SUZ12: variants seen among roughly 807,000 people sequenced by gnomAD.
The protein encoded by SUZ12 is SUZ12 polycomb repressive complex 2 subunit, also known as polycomb protein SUZ12.
Under a neutral mutation model 87.3 loss-of-function variants are expected in SUZ12, and 17 were observed. The ratio of observed to expected loss-of-function variants is 0.19; its 90% confidence interval spans 0.13 to 0.29. The LOEUF (loss-of-function observed/expected upper bound fraction) is 0.29, where lower values mean the gene tolerates loss of function less well. Ranked by LOEUF, SUZ12 falls within the 10% of genes least tolerant of loss-of-function variation. The probability of loss-of-function intolerance (pLI) is 1.00; values close to 1 mark genes in which losing one functional copy is unlikely to be tolerated. For synonymous variants in SUZ12, 253 were observed against 312.4 expected, an observed-to-expected ratio of 0.81 and a Z score of 2.01; for missense variants, 526 against 912.2, an observed-to-expected ratio of 0.58 and a Z score of 5.45.
At chr17:31,969,935 T>G (rs1383118825) in intron 5 of SUZ12, among the ~76,000 whole-genome samples, 2 of 152,156 alleles carry the variant, frequency 1.3e-5, no homozygotes, top group Non-Finnish European at 2.9e-5. Context: ...TTACTATTAA[T>G]TATTTTTTAG....
intron 4 of SUZ12, among the ~76,000 whole-genome samples, chr17:31,951,760 G>T (rs1265097238): frequency 6.8e-6 from 1 of 146,416 alleles, no homozygotes; most frequent in African/African-American, 2.6e-5. Context: ...ACAGGTGTGA[G>T]CCACCGCGCC....
At chr17:31,987,298 G>A (rs1347334953) in intron 9 of SUZ12, among the ~76,000 whole-genome samples, 11 of 152,212 alleles carry the variant, frequency 7.2e-5, no homozygotes, top group Admixed American at 7.2e-4. Context: ...GTGACATTGA[G>A]ATCAACTGGC....
At position 31,994,501 on chromosome 17, in the gene SUZ12, A is replaced by C. The variant is rs902831117; in HGVS notation, c.1438-63A>C. On this transcript the variant is annotated intron_variant, in intron 12 of 15. Transcript: ENST00000322652. ...TTAAGAGCCCACAAATTCTTTAATT[A>C]AATTGGAGGGATATTTAGGATAGGA... 18 of 1,381,828 alleles carry C rather than the reference A, an allele frequency of 1.3e-5. No homozygotes were observed. In the Admixed American group the frequency reaches 3.1e-4, roughly 24 times the overall value. The allele number at this position is 1,381,828 out of a possible 1,614,324, so 85.6% of individuals were successfully genotyped here.
intron 4 of SUZ12, among the ~76,000 whole-genome samples, chr17:31,957,478 C>A (rs1163489378): frequency 6.6e-6 from 1 of 151,682 alleles, no homozygotes; most frequent in Non-Finnish European, 1.5e-5. Context: ...GTGGCGTGAT[C>A]TTGGCTCACT....
At chr17:31,994,087 C>A in intron 12 of SUZ12, 79 bp downstream of exon 12, 14 of 1,355,470 alleles carry the variant, frequency 1.0e-5, no homozygotes, top group East Asian at 7.7e-5. Flanking sequence ...TATGTACCCA[C>A]AAAAATTTTT....
intron 4 of SUZ12, among the ~76,000 whole-genome samples, chr17:31,949,480 T>C (rs2142131564): frequency 6.6e-6 from 1 of 152,184 alleles, no homozygotes; most frequent in South Asian, 2.1e-4. Context: ...TGTGTCATTT[T>C]AAATTTACTG....
chr17:31,978,296 C>T (rs1001251477), intron 8 of SUZ12, among the ~76,000 whole-genome samples: 32 of 152,244 alleles, frequency 2.1e-4, no homozygotes, highest in Admixed American at 9.2e-4. Flanking sequence ...GCAACCTCTG[C>T]CTCCTGGGTT....
chr17:31,938,738 A>G (rs1485446218), intron 1 of SUZ12, among the ~76,000 whole-genome samples: 2 of 152,196 alleles, frequency 1.3e-5, no homozygotes, highest in Non-Finnish European at 2.9e-5. Context: ...ATCTCCCTTT[A>G]GTTAATTTAA....
intron 4 of SUZ12, among the ~76,000 whole-genome samples, chr17:31,953,363 GACCTCCCA>G (rs1217675687): frequency 6.6e-6 from 1 of 151,976 alleles, no homozygotes; most frequent in Non-Finnish European, 1.5e-5. Context: ...CATCCGCCTC[GACCTCCCA>G]AATTGCTGGG....
intron 4 of SUZ12, among the ~76,000 whole-genome samples, chr17:31,964,713 G>GT (rs1255940902): frequency 6.6e-6 from 1 of 152,088 alleles, no homozygotes; most frequent in Non-Finnish European, 1.5e-5. Flanking sequence ...CCACACTGTA[G>GT]TTTTTTTAGC....
At chr17:31,965,809 T>G in intron 4 of SUZ12, 3 of 182,196 alleles carry the variant, frequency 1.6e-5, no homozygotes, top group East Asian at 1.3e-4. Context: ...CCTGCTGTCA[T>G]TTTATAGGTA....
intron 14 of SUZ12, among the ~76,000 whole-genome samples, chr17:31,996,050 A>G (rs1175443715): frequency 1.3e-5 from 2 of 152,090 alleles, no homozygotes; most frequent in Admixed American, 6.6e-5. Flanking sequence ...CTCTACTAAA[A>G]ATACAAAAAA....
Position 31,957,895 on chromosome 17 carries a change from CTTTTTT to C in SUZ12, c.456-8232_456-8227del, listed in dbSNP as rs1181314058. Among the ~76,000 whole-genome samples the C allele has an allele frequency of 2.3e-4, 21 of 91,328 alleles. 1 individual carries two copies. Among genetic ancestry groups the C allele is most frequent in the Non-Finnish European group, 4.3e-4 (19 of 44,584 alleles). The allele number at this position is 91,328 out of a possible 152,430, so 59.9% of individuals were successfully genotyped here. A position where few individuals can be genotyped will look rare whatever the true frequency, so the allele number is the denominator to read the frequency against. ...ACCTGGCCCTGGCTCACCTTTTGTC[CTTTTTT>C]TTTTTTTTTTTTTTTTTTTGAGACA... On this transcript the variant is annotated intron_variant, in intron 4 of 15. Coordinates refer to ENST00000322652, the MANE Select transcript of SUZ12 (RefSeq NM_015355.4).
chr17:31,994,535 A>G (rs1427430591), intron 12 of SUZ12, 29 bp from the exon 13 acceptor site: 3 of 1,538,592 alleles, frequency 1.9e-6, no homozygotes, highest in Admixed American at 1.9e-5. Context: ...GATACTTAAT[A>G]TATTTTTTTT....
At chr17:31,968,246 TG>T (rs995703307) in intron 5 of SUZ12, among the ~76,000 whole-genome samples, 13 of 152,088 alleles carry the variant, frequency 8.5e-5, no homozygotes, top group Non-Finnish European at 1.6e-4. Flanking sequence ...AATGACTCTT[TG>T]GGGGTTGTTT....
At chr17:31,949,740 C>T (rs2142132359) in intron 4 of SUZ12, among the ~76,000 whole-genome samples, 1 of 111,394 alleles carries the variant, frequency 9.0e-6, no homozygotes, top group Admixed American at 1.2e-4. Flanking sequence ...GGCTGGAGTG[C>T]AGTGGCGCGA....
At chr17:31,990,458 G>C (rs1401936648) in intron 10 of SUZ12, among the ~76,000 whole-genome samples, 1 of 151,630 alleles carries the variant, frequency 6.6e-6, no homozygotes, top group African/African-American at 2.4e-5. Flanking sequence ...CCGCCTCCCG[G>C]TTTGAAGCAA....
intron 1 of SUZ12, among the ~76,000 whole-genome samples, chr17:31,939,600 G>A (rs879786076): frequency 6.0e-5 from 9 of 151,014 alleles, no homozygotes; most frequent in African/African-American, 2.0e-4. Flanking sequence ...CTCGGCTCAC[G>A]GCAGCCTCCG....
chr17:31,995,754 A>T lies in SUZ12; in HGVS notation c.1786A>T (p.Thr596Ser). ...GGATCCTGAATGGCTAAGAGAAAAA[A>T]CCATTACAGTAATTATTATTATCTT... Reference protein sequence around the residue: ...EKDPEWLREKTITQIEEFSDV... With the variant: ...EKDPEWLREKSITQIEEFSDV... Residue 596 changes from threonine to serine, a missense_variant, in exon 14 of 16, where the codon ACC (threonine) becomes TCC (serine). By Grantham distance (58) the Thr-to-Ser change is moderately conservative (BLOSUM62 1). Transcript: ENST00000322652. 6.2e-7 allele frequency: 1 copy of T among 1,604,536 alleles called. No homozygotes were observed. Among genetic ancestry groups the T allele is most frequent in the Non-Finnish European group, 8.5e-7 (1 of 1,172,692 alleles).
Sources: gnomAD v4.1 joint callset for allele counts (sites outside exome capture counted in the v4.1 genomes callset) on GRCh38, gnomAD v4.1.1 for gene constraint, MANE v1.5 for transcripts, NCBI Gene and HGNC (gene_info 2026-07-23, HGNC 2026-07-21) for gene names.